FTO: variants seen among roughly 807,000 people sequenced by gnomAD.
FTO encodes alpha-ketoglutarate-dependent dioxygenase FTO.
A neutral mutation model predicts 63.9 loss-of-function variants in FTO; 47 were observed. The ratio of observed to expected loss-of-function variants is 0.74; its 90% CI spans 0.58 to 0.94. FTO has a LOEUF of 0.94. FTO is among the 40% of genes least tolerant of loss of function. FTO has a pLI of 0.00. For synonymous variants in FTO, 207 were observed against 224.4 expected, an observed-to-expected ratio of 0.92 and a Z score of 0.69; for missense variants, 562 against 618.1, an observed-to-expected ratio of 0.91 and a Z score of 0.96.
At chr16:53,948,275 A>G (rs1172189000) in intron 8 of FTO, among the ~76,000 whole-genome samples, 1 of 152,230 alleles carries the variant, frequency 6.6e-6, no homozygotes, top group Non-Finnish European at 1.5e-5. Flanking sequence ...TTCTGAAGGA[A>G]GTATTCGTCT....
rs1300791275 is a variant in FTO, at chr16:53,704,230, G to T, written c.45+1G>T. The T allele has an allele frequency of 6.4e-7, 1 of 1,551,368 alleles. No individual in the cohort carries two copies. The highest frequency in any genetic ancestry group is 1.4e-5 in the African/African-American group (1 of 73,046). ...CGAGGAACGAGAGCGCGAAGCTAAG[G>T]TATGTCGGGCTCCCGGGGCCTGGAG... On this transcript the variant is annotated splice_donor_variant, in intron 1 of 8. Coordinates refer to ENST00000471389, the MANE Select transcript of FTO (RefSeq NM_001080432.3). LOFTEE classifies it high-confidence loss of function.
chr16:53,989,094 G>GC (rs1199808345), intron 8 of FTO, among the ~76,000 whole-genome samples: 2 of 152,108 alleles, frequency 1.3e-5, no homozygotes, highest in African/African-American at 4.8e-5. Flanking sequence ...GATGACATGT[G>GC]CACTAAGCTG....
chr16:54,061,335 C>T (rs750050441), intron 8 of FTO, among the ~76,000 whole-genome samples: 7 of 152,168 alleles, frequency 4.6e-5, no homozygotes, highest in Admixed American at 1.3e-4. Context: ...TTTCAGACTT[C>T]ATTGCTGACA....
chr16:53,797,601 A>G (rs1360057326), intron 1 of FTO, among the ~76,000 whole-genome samples: 1 of 152,008 alleles, frequency 6.6e-6, no homozygotes, highest in Non-Finnish European at 1.5e-5. Flanking sequence ...GTTGATGGAC[A>G]TTTGGGTTGT....
chr16:53,888,181 G>T (rs2081050005), intron 6 of FTO, among the ~76,000 whole-genome samples: 1 of 151,834 alleles, frequency 6.6e-6, no homozygotes. Flanking sequence ...TTGTGTAAGA[G>T]AATTTCAGCT....
At chr16:53,858,998 A>T (rs1234210819) in intron 4 of FTO, among the ~76,000 whole-genome samples, 1 of 152,168 alleles carries the variant, frequency 6.6e-6, no homozygotes, top group Non-Finnish European at 1.5e-5. Flanking sequence ...TCTTTAATCC[A>T]CTTTAGCCAG....
chr16:54,087,762 A>T (rs746956059), intron 8 of FTO, among the ~76,000 whole-genome samples: 1 of 152,168 alleles, frequency 6.6e-6, no homozygotes, highest in African/African-American at 2.4e-5. Flanking sequence ...ACGCCACTGC[A>T]CTCCAGCCTG....
At chr16:53,770,428 C>T (rs1861866) in intron 1 of FTO, among the ~76,000 whole-genome samples, 87,272 of 151,976 alleles carry the variant, frequency 0.57, 25,816 homozygotes, top group African/African-American at 0.72. Context: ...AATTATTTTG[C>T]ATTGCAGAGA....
intron 1 of FTO, chr16:53,764,101 A>T (rs1192141776): frequency 1.3e-5 from 2 of 152,202 alleles, no homozygotes; most frequent in Non-Finnish European, 2.9e-5. Context: ...AGCATTCAGC[A>T]CGGCACCCAG....
At position 53,826,338 on chromosome 16, in the gene FTO, A is replaced by G. The variant is rs756850408; in HGVS notation, c.598A>G (p.Asn200Asp). The change falls in exon 3 of 9, where the codon AAC becomes GAC. Residue 200 changes from asparagine (N) to aspartate (D), a missense_variant. Transcript: ENST00000471389. ...GGACATTAAGAGCAGAGCAGCATAC[A>G]ACGTAACTTTGCTGAATTTCATGGA... ...EVDIKSRAAY[N>D]VTLLNFMDPQ... The G allele has an allele frequency of 6.2e-7, 1 of 1,614,218 alleles. No individual in the cohort carries two copies. The highest frequency in any genetic ancestry group is 8.5e-7 in the Non-Finnish European group (1 of 1,180,044).
chr16:54,015,571 G>T (rs898270709), intron 8 of FTO, among the ~76,000 whole-genome samples: 1 of 152,056 alleles, frequency 6.6e-6, no homozygotes, highest in Non-Finnish European at 1.5e-5. Context: ...CGTTTTAAAA[G>T]GTAGCTTTGA....
chr16:53,752,910 A>G (rs2076832549), intron 1 of FTO, among the ~76,000 whole-genome samples: 1 of 151,842 alleles, frequency 6.6e-6, no homozygotes, highest in Non-Finnish European at 1.5e-5. Context: ...ACATAGTCAG[A>G]TATGACTGCC....
chr16:53,909,252 G>A (rs1190015965), intron 7 of FTO, among the ~76,000 whole-genome samples: 1 of 152,182 alleles, frequency 6.6e-6, no homozygotes, highest in South Asian at 2.1e-4. Flanking sequence ...AAGGTTTAAG[G>A]TGTCGAACAT....
At chr16:53,880,420 A>G (rs753415066) in intron 6 of FTO, among the ~76,000 whole-genome samples, 10 of 152,192 alleles carry the variant, frequency 6.6e-5, no homozygotes, top group Non-Finnish European at 1.0e-4. Context: ...AGGACAGGTT[A>G]TTACGTATAT....
chr16:53,851,458 CAA>C (rs35951870), intron 4 of FTO, among the ~76,000 whole-genome samples: 18 of 114,592 alleles, frequency 1.6e-4, no homozygotes, highest in Admixed American at 1.7e-4. Context: ...GACTCCGTCT[CAA>C]AAAAAAAAAA....
intron 3 of FTO, among the ~76,000 whole-genome samples, chr16:53,834,700 G>GA (rs905503160): frequency 2.0e-5 from 3 of 151,486 alleles, no homozygotes; most frequent in South Asian, 2.1e-4. Context: ...GTTTGCTAAG[G>GA]AAAAAAAAGC....
chr16:53,932,802 T>C (rs1008168944), intron 7 of FTO, among the ~76,000 whole-genome samples: 2 of 152,198 alleles, frequency 1.3e-5, no homozygotes, highest in African/African-American at 2.4e-5. Context: ...AGAGATACTC[T>C]GAGGACCATG....
chr16:53,719,633 T>G (rs1460610164), intron 1 of FTO, among the ~76,000 whole-genome samples: 3 of 109,564 alleles, frequency 2.7e-5, no homozygotes, highest in East Asian at 2.6e-4. Flanking sequence ...TGGTAGTCTG[T>G]TTTTTTTTTT....
At position 53,931,904 on chromosome 16, in the gene FTO, A is replaced by G. The variant is rs140783463; in HGVS notation, c.1240-2081A>G. On this transcript the variant is annotated intron_variant, in intron 7 of 8. Coordinates refer to ENST00000471389, the MANE Select transcript of FTO (RefSeq NM_001080432.3). ...CACACACACACACACACACACACAC[A>G]CACGCACATACCAGATTTCTTGTTT... Among the ~76,000 whole-genome samples, 1,207 of 151,360 alleles carry G rather than the reference A, an allele frequency of 8.0e-3. 9 individuals carry two copies. Among genetic ancestry groups the G allele is most frequent in the Non-Finnish European group, 0.01 (706 of 67,938 alleles).
Sources: allele counts gnomAD v4.1 joint callset (sites outside exome capture counted in the v4.1 genomes callset), GRCh38; gene constraint gnomAD v4.1.1; transcripts MANE v1.5; gene names NCBI Gene and HGNC (gene_info 2026-07-23, HGNC 2026-07-21).